The following DLG2 variants were observed in gnomAD, a reference collection of about 807,000 sequenced individuals.
DLG2 encodes the protein discs large MAGUK scaffold protein 2, also known as disks large homolog 2.
Under a neutral mutation model 132.5 loss-of-function variants are expected in DLG2, and 45 were observed. That is an observed-to-expected ratio of 0.34 (90% CI 0.27 to 0.44). The LOEUF is 0.44. DLG2 is among the 20% of genes least tolerant of loss of function. The probability of loss-of-function intolerance (pLI) is 1.00; values close to 1 mark genes in which losing one functional copy is unlikely to be tolerated. For missense variants in DLG2, 1,045 were observed against 1,196.9 expected, an observed-to-expected ratio of 0.87 and a Z score of 1.87; for synonymous variants, 424 against 419.6, an observed-to-expected ratio of 1.01 and a Z score of -0.13.
intron 18 of DLG2, among the ~76,000 whole-genome samples, chr11:83,762,108 A>G (rs976418971): frequency 6.6e-6 from 1 of 152,236 alleles, no homozygotes; most frequent in Non-Finnish European, 1.5e-5. Context: ...ATTGAAGCCA[A>G]ATATGATTTG....
At chr11:84,862,660 TC>T (rs1401929042) in intron 6 of DLG2, among the ~76,000 whole-genome samples, 2 of 152,066 alleles carry the variant, frequency 1.3e-5, no homozygotes, top group Non-Finnish European at 2.9e-5. Context: ...AGAATTCATG[TC>T]CTTTGCAGGG....
chr11:85,248,041 C>T (rs572248192), intron 4 of DLG2, among the ~76,000 whole-genome samples: 2 of 152,156 alleles, frequency 1.3e-5, no homozygotes, highest in African/African-American at 4.8e-5. Flanking sequence ...CCAATGTACT[C>T]CCTGTCATTC....
chr11:83,800,422 G>A (rs759192381), intron 17 of DLG2, among the ~76,000 whole-genome samples: 2 of 152,198 alleles, frequency 1.3e-5, no homozygotes. Flanking sequence ...GTTTCAGAGT[G>A]AGTGAACTAT....
In DLG2 at chr11:85,008,535, T is replaced by C. The variant is rs534145351; in HGVS notation, c.357+103126A>G. On this transcript the variant is annotated intron_variant, in intron 6 of 27. Coordinates refer to ENST00000376104, the MANE Select transcript of DLG2 (RefSeq NM_001142699.3). ...TATCACTGAACTGTACATTTTAAAA[T>C]GGTAAAGACAGTAAATTTTATATGT... is the stretch of plus-strand genomic sequence containing the variant. Among the ~76,000 whole-genome samples the C allele has an allele frequency of 8.3e-4, 127 of 152,272 alleles. 1 individual carries two copies. Among genetic ancestry groups the C allele is most frequent in the Admixed American group, 6.6e-3 (101 of 15,296 alleles).
At chr11:83,470,673 G>A (rs2136491579) in intron 24 of DLG2, among the ~76,000 whole-genome samples, 1 of 152,240 alleles carries the variant, frequency 6.6e-6, no homozygotes, top group South Asian at 2.1e-4. Context: ...TCTTCCCAGA[G>A]CCCTTGCTGG....
chr11:84,098,870 C>T, intron 10 of DLG2, 53 bp downstream of exon 10: 1 of 1,586,450 alleles, frequency 6.3e-7, no homozygotes, highest in South Asian at 1.1e-5. Flanking sequence ...AAATGTGTCT[C>T]ATTGATGCAG....
At chr11:85,252,219 G>A (rs1187711283) in intron 4 of DLG2, among the ~76,000 whole-genome samples, 1 of 152,248 alleles carries the variant, frequency 6.6e-6, no homozygotes, top group Non-Finnish European at 1.5e-5. Context: ...TGATATCAGA[G>A]TAGGGACCAC....
intron 3 of DLG2, among the ~76,000 whole-genome samples, chr11:85,322,121 T>C (rs137950563): frequency 6.0e-4 from 92 of 152,176 alleles, no homozygotes; most frequent in Middle Eastern, 3.4e-3. Context: ...TACTATATCA[T>C]AAATAGATAC....
chr11:85,610,527 C>T (rs115893816), intron 2 of DLG2, among the ~76,000 whole-genome samples: 6,538 of 152,264 alleles, frequency 0.043, 179 homozygotes, highest in East Asian at 0.087. Context: ...GACGATCTTG[C>T]CCCACGGGTT....
At chr11:84,257,459 C>T (rs1430434241) in intron 7 of DLG2, among the ~76,000 whole-genome samples, 2 of 152,132 alleles carry the variant, frequency 1.3e-5, no homozygotes, top group Admixed American at 6.5e-5. Context: ...ACTTATATAG[C>T]AAATACTTTA....
intron 18 of DLG2, among the ~76,000 whole-genome samples, chr11:83,748,529 G>C (rs2093076463): frequency 6.6e-6 from 1 of 152,168 alleles, no homozygotes; most frequent in African/African-American, 2.4e-5. Context: ...GTGAAGAAGA[G>C]AGATAAACAG....
chr11:84,494,419 T>C (rs1397101708), intron 7 of DLG2, among the ~76,000 whole-genome samples: 1 of 152,164 alleles, frequency 6.6e-6, no homozygotes, highest in Admixed American at 6.6e-5. Context: ...TCTAAGACTT[T>C]CTTCCCCTGA....
intron 6 of DLG2, among the ~76,000 whole-genome samples, chr11:84,819,961 G>A (rs973521820): frequency 2.6e-5 from 4 of 151,416 alleles, no homozygotes; most frequent in African/African-American, 7.3e-5. Flanking sequence ...TTATGAATCT[G>A]CTACAAAGAG....
At chr11:83,813,631 A>C (rs554857301) in intron 17 of DLG2, among the ~76,000 whole-genome samples, 1 of 152,176 alleles carries the variant, frequency 6.6e-6, no homozygotes, top group Non-Finnish European at 1.5e-5. Context: ...ATGGTTTAGT[A>C]TTTAAAACTA....
At chr11:84,491,341 T>C (rs2014495) in intron 7 of DLG2, among the ~76,000 whole-genome samples, 2,184 of 152,162 alleles carry the variant, frequency 0.014, 23 homozygotes, top group Non-Finnish European at 0.023. Context: ...CAAACTCTAT[T>C]TGCCTGCCGC....
At chr11:83,998,533 G>A (rs2094169226) in intron 11 of DLG2, among the ~76,000 whole-genome samples, 1 of 152,156 alleles carries the variant, frequency 6.6e-6, no homozygotes, top group Admixed American at 6.5e-5. Flanking sequence ...GGATCAGCTG[G>A]GAGATGAGAG....
chr11:83,491,854 A>G (rs1399239738), intron 21 of DLG2, among the ~76,000 whole-genome samples: 2 of 151,878 alleles, frequency 1.3e-5, no homozygotes, highest in Non-Finnish European at 2.9e-5. Context: ...ACTCCTCCAA[A>G]GTTATCCCTT....
intron 3 of DLG2, among the ~76,000 whole-genome samples, chr11:85,470,538 C>T (rs1161330647): frequency 6.6e-6 from 1 of 152,136 alleles, no homozygotes; most frequent in Non-Finnish European, 1.5e-5. Context: ...GCCTGGCCCA[C>T]ATGGTGAAAC....
chr11:83,529,040 A>C (rs2095674556), intron 21 of DLG2, among the ~76,000 whole-genome samples: 1 of 152,112 alleles, frequency 6.6e-6, no homozygotes, highest in Non-Finnish European at 1.5e-5. Context: ...GCTTTCACAG[A>C]TACTAATTTA....
Sources: allele counts gnomAD v4.1 joint callset (sites outside exome capture counted in the v4.1 genomes callset), GRCh38; gene constraint gnomAD v4.1.1; transcripts MANE v1.5; gene names NCBI Gene and HGNC (gene_info 2026-07-23, HGNC 2026-07-21).